KAT6B: variants seen among roughly 807,000 people sequenced by gnomAD.
The protein encoded by KAT6B is histone acetyltransferase KAT6B.
A neutral mutation model predicts 187.5 loss-of-function variants in KAT6B; 10 were observed. That is an observed-to-expected ratio of 0.05 (90% CI 0.03 to 0.09). KAT6B has a LOEUF of 0.09. Among genes scored for constraint, KAT6B ranks in the 10% least tolerant of loss-of-function variants. The pLI, the probability that KAT6B is intolerant of heterozygous loss-of-function variation, is 1.00. For synonymous variants in KAT6B, 861 were observed against 926.8 expected (o/e 0.93, Z 1.29); for missense variants, 1,952 against 2,558.9 (o/e 0.76, Z 5.12).
chr10:74,845,704 C>A lies in KAT6B; in HGVS notation c.621+2226C>A, dbSNP rs1386327406. Among the ~76,000 whole-genome samples, 8 of 151,152 alleles carry A rather than the reference C, an allele frequency of 5.3e-5. No individual in the cohort carries two copies. In the East Asian group the frequency reaches 1.6e-3, roughly 29 times the overall value. ...GTAGAGATGGGGTTTTGCCATGTTG[C>A]CTGGGCTAAGTACAGTTTAGAAACA... On this transcript the variant is annotated intron_variant, in intron 3 of 17. Coordinates refer to ENST00000287239, the MANE Select transcript of KAT6B (RefSeq NM_012330.4).
At position 74,981,937 on chromosome 10, in the gene KAT6B, G is replaced by A. The variant is rs200359469; in HGVS notation, c.2373+9G>A. The A allele has an allele frequency of 4.5e-5, 72 of 1,613,106 alleles. No individual in the cohort carries two copies. Among genetic ancestry groups the A allele is most frequent in the East Asian group, 4.5e-4 (20 of 44,816 alleles). ...ACCTTTCAGTATTTGAGGTAAGCGCGTGTAAATAAAAAAATTCAGCTTTTT... is the reference window on the plus strand; with the variant it reads ...ACCTTTCAGTATTTGAGGTAAGCGCATGTAAATAAAAAAATTCAGCTTTTT... On this transcript the variant is annotated intron_variant, in intron 11 of 17. Coordinates refer to ENST00000287239, the MANE Select transcript of KAT6B (RefSeq NM_012330.4).
chr10:75,032,095 CT>C lies in KAT6B; in HGVS notation c.*1055del. Reference sequence around the variant, plus strand: ...TATTTGTGTCTGTTTATATTGCTTCCTTTTTTGTAGCCTTTGTACCTGTACA... The same window carrying C: ...TATTTGTGTCTGTTTATATTGCTTCCTTTTTGTAGCCTTTGTACCTGTACA... On this transcript the variant is annotated 3_prime_UTR_variant, in exon 18 of 18. Coordinates refer to ENST00000287239, the MANE Select transcript of KAT6B (RefSeq NM_012330.4). 1 of 196,788 alleles carries C rather than the reference CT, an allele frequency of 5.1e-6. No individual in the cohort carries two copies. Among genetic ancestry groups the C allele is most frequent in the East Asian group, 8.0e-5 (1 of 12,440 alleles). The allele number at this position is 196,788 out of a possible 1,614,324, so 12.2% of individuals were successfully genotyped here.
chr10:74,958,030 A>G (rs925121881), intron 3 of KAT6B, among the ~76,000 whole-genome samples: 2 of 152,216 alleles, frequency 1.3e-5, no homozygotes, highest in Admixed American at 6.5e-5. Context: ...TGTGCATATT[A>G]TAAGAACAAA....
intron 13 of KAT6B, among the ~76,000 whole-genome samples, chr10:74,992,750 C>T (rs905005836): frequency 5.3e-5 from 8 of 152,174 alleles, no homozygotes; most frequent in Non-Finnish European, 1.0e-4. Context: ...CAGAGTAAGT[C>T]ATTTGTATAT....
chr10:74,939,820 G>T (rs1033882528), intron 3 of KAT6B, among the ~76,000 whole-genome samples: 1 of 152,184 alleles, frequency 6.6e-6, no homozygotes, highest in African/African-American at 2.4e-5. Context: ...ACAACCTGTC[G>T]CAATTTAAAA....
intron 13 of KAT6B, among the ~76,000 whole-genome samples, chr10:75,015,272 T>C (rs1288200309): frequency 6.6e-6 from 1 of 152,178 alleles, no homozygotes; most frequent in African/African-American, 2.4e-5. Context: ...GTAAAATATA[T>C]GAAAAATTCA....
At chr10:74,989,197 C>A in intron 13 of KAT6B, 85 bp downstream of exon 13, 1 of 940,246 alleles carries the variant, frequency 1.1e-6, no homozygotes, top group Non-Finnish European at 1.8e-6. Flanking sequence ...CTTTATTTAA[C>A]CTGCATTGTT....
intron 13 of KAT6B, among the ~76,000 whole-genome samples, chr10:74,994,333 T>G (rs1434271941): frequency 6.6e-6 from 1 of 152,232 alleles, no homozygotes; most frequent in Non-Finnish European, 1.5e-5. Context: ...AAGTGGGTTC[T>G]TGTGCCTTTT....
chr10:75,015,085 G>A (rs1844887697), intron 13 of KAT6B, among the ~76,000 whole-genome samples: 1 of 152,192 alleles, frequency 6.6e-6, no homozygotes, highest in Non-Finnish European at 1.5e-5. Flanking sequence ...CAGCAGGTCT[G>A]AGATAGGTTC....
intron 11 of KAT6B, 50 bp downstream of exon 11, chr10:74,981,978 T>G (rs183931762): frequency 6.5e-7 from 1 of 1,533,246 alleles, no homozygotes; most frequent in Non-Finnish European, 9.0e-7. Context: ...CTAGTACTCC[T>G]AATTGTTGAC....
intron 13 of KAT6B, among the ~76,000 whole-genome samples, chr10:74,996,128 T>C (rs1843416998): frequency 6.6e-6 from 1 of 152,236 alleles, no homozygotes; most frequent in African/African-American, 2.4e-5. Context: ...TAAAGGAAGA[T>C]GCGAAGAGTC....
At chr10:74,874,873 T>G (rs1163893601) in intron 3 of KAT6B, among the ~76,000 whole-genome samples, 1 of 151,802 alleles carries the variant, frequency 6.6e-6, no homozygotes, top group Non-Finnish European at 1.5e-5. Flanking sequence ...GACTTTTTTT[T>G]GAAGAGCAAT....
chr10:74,946,276 C>T (rs1438824802), intron 3 of KAT6B, among the ~76,000 whole-genome samples: 32 of 152,114 alleles, frequency 2.1e-4, no homozygotes, highest in Admixed American at 2.1e-3. Flanking sequence ...GTAGTTATAT[C>T]TCTACTTTAC....
chr10:74,959,229 T>C (rs983742698), intron 3 of KAT6B, among the ~76,000 whole-genome samples: 7 of 152,138 alleles, frequency 4.6e-5, no homozygotes, highest in African/African-American at 1.4e-4. Context: ...TAAAAACATA[T>C]AGATATTTTA....
chr10:74,959,275 C>T (rs151152867), intron 3 of KAT6B, among the ~76,000 whole-genome samples: 168 of 152,108 alleles, frequency 1.1e-3, no homozygotes, highest in African/African-American at 3.4e-3. Context: ...TAGCAATCTG[C>T]GCTGCAATAT....
At chr10:74,881,934 A>C (rs987269832) in intron 3 of KAT6B, among the ~76,000 whole-genome samples, 1 of 152,168 alleles carries the variant, frequency 6.6e-6, no homozygotes, top group Non-Finnish European at 1.5e-5. Context: ...TGGGATTACC[A>C]GCGTGAACCA....
intron 13 of KAT6B, among the ~76,000 whole-genome samples, chr10:74,990,212 A>G (rs1843050595): frequency 6.8e-6 from 1 of 146,212 alleles, no homozygotes; most frequent in South Asian, 2.1e-4. Flanking sequence ...AAAAAAAAAA[A>G]AAAAAAAAAA....
chr10:75,024,479 T>G (rs1845664570), intron 16 of KAT6B, among the ~76,000 whole-genome samples: 1 of 152,210 alleles, frequency 6.6e-6, no homozygotes, highest in Non-Finnish European at 1.5e-5. Context: ...AGTAGGCTGG[T>G]CTTGTATCAT....
At chr10:74,952,846 A>ATTTTTTTTTTTTTT (rs34687036) in intron 3 of KAT6B, among the ~76,000 whole-genome samples, 3 of 90,518 alleles carry the variant, frequency 3.3e-5, no homozygotes, top group Non-Finnish European at 6.3e-5. Context: ...TGCCTGGCTA[A>ATTTTTTTTTTTTTT]TTTTTTTTTT....
Sources: gnomAD v4.1 joint callset for allele counts (sites outside exome capture counted in the v4.1 genomes callset) on GRCh38, gnomAD v4.1.1 for gene constraint, MANE v1.5 for transcripts, NCBI Gene and HGNC (gene_info 2026-07-23, HGNC 2026-07-21) for gene names.